Variants in SLC24A2 observed in about 807,000 individuals in gnomAD.
The protein encoded by SLC24A2 is solute carrier family 24 member 2, also known as sodium/potassium/calcium exchanger 2.
Under a neutral mutation model 62.0 loss-of-function variants are expected in SLC24A2, and 36 were observed. The observed-to-expected ratio is 0.58, with a 90% CI of 0.44 to 0.77. SLC24A2 has a LOEUF of 0.77. Among genes scored for constraint, SLC24A2 ranks in the 30% least tolerant of loss-of-function variants. The pLI is 0.00. For missense variants in SLC24A2, 846 were observed against 817.9 expected (o/e 1.03, Z -0.42); for synonymous variants, 358 against 294.0 (o/e 1.22, Z -2.23).
chr9:19,543,856 G>T (rs578120435), intron 8 of SLC24A2, among the ~76,000 whole-genome samples: 9 of 152,114 alleles, frequency 5.9e-5, no homozygotes, highest in Non-Finnish European at 1.0e-4. Context: ...CCAATTATGT[G>T]GTCCATTTTA....
At chr9:19,824,508 A>G in the SLC24A2 span, among the ~76,000 whole-genome samples, 1 of 152,232 alleles carries the variant, frequency 6.6e-6, no homozygotes, top group Non-Finnish European at 1.5e-5. Flanking sequence ...ATCATTAAAA[A>G]GTCAGGAAAC....
intron 7 of SLC24A2, among the ~76,000 whole-genome samples, chr9:19,565,266 G>A (rs1437426277): frequency 6.6e-6 from 1 of 151,164 alleles, no homozygotes; most frequent in Non-Finnish European, 1.5e-5. Flanking sequence ...CTTCAGCAAA[G>A]TCTCAGGATA....
chr9:20,205,870 G>C, the SLC24A2 span, among the ~76,000 whole-genome samples: 1 of 152,086 alleles, frequency 6.6e-6, no homozygotes, highest in African/African-American at 2.4e-5. Flanking sequence ...GCTTCTCAGT[G>C]CTTAAAGCCT....
At chr9:19,812,562 G>A in the SLC24A2 span, among the ~76,000 whole-genome samples, 219 of 151,572 alleles carry the variant, frequency 1.4e-3, no homozygotes, top group Non-Finnish European at 2.6e-3. Context: ...TTATCTTTTT[G>A]TCTGTTTTCT....
the SLC24A2 span, among the ~76,000 whole-genome samples, chr9:20,125,914 T>G: frequency 6.6e-6 from 1 of 152,162 alleles, no homozygotes; most frequent in Non-Finnish European, 1.5e-5. Context: ...CATACAGAAT[T>G]GCTCTCCACA....
the SLC24A2 span, among the ~76,000 whole-genome samples, chr9:19,944,404 G>A: frequency 2.1e-5 from 3 of 143,574 alleles, no homozygotes; most frequent in African/African-American, 7.9e-5. Context: ...TAACAAACCT[G>A]CACATATACC....
rs989342549 is a variant in SLC24A2, at chr9:19,509,804, G to A, written c.*6349C>T. ...AGAACTGTTAGTCTCCAAGGCCTTA[G>A]TTACTTATGGATCCATTATGAAGGA... On this transcript the variant is annotated 3_prime_UTR_variant, in exon 11 of 11. Transcript: ENST00000341998. 3 of 152,186 alleles carry A rather than the reference G, an allele frequency of 2.0e-5. No individual in the cohort carries two copies. The highest frequency in any genetic ancestry group is 2.1e-4 in the South Asian group (1 of 4,822). 9.4% of individuals were successfully genotyped at this position (152,186 alleles called of 1,614,324 possible).
the SLC24A2 span, among the ~76,000 whole-genome samples, chr9:19,842,394 G>T: frequency 3.9e-5 from 6 of 152,192 alleles, no homozygotes; most frequent in African/African-American, 1.4e-4. Flanking sequence ...CAGTTATGAT[G>T]TAGTTAGGAG....
chr9:19,520,543 C>T (rs1354774628), intron 10 of SLC24A2, among the ~76,000 whole-genome samples: 1 of 152,134 alleles, frequency 6.6e-6, no homozygotes, highest in Non-Finnish European at 1.5e-5. Flanking sequence ...CTGGTGGGGA[C>T]TTTAATTAAA....
At chr9:19,531,941 T>C (rs1475440253) in intron 8 of SLC24A2, among the ~76,000 whole-genome samples, 1 of 152,192 alleles carries the variant, frequency 6.6e-6, no homozygotes, top group Non-Finnish European at 1.5e-5. Flanking sequence ...TTATATTTGT[T>C]ATTAGACAAT....
chr9:19,905,687 G>T, the SLC24A2 span, among the ~76,000 whole-genome samples: 1 of 151,946 alleles, frequency 6.6e-6, no homozygotes, highest in Non-Finnish European at 1.5e-5. Flanking sequence ...GAGCAACCGA[G>T]CCCAGCCCCC....
At chr9:19,990,315 G>A in the SLC24A2 span, among the ~76,000 whole-genome samples, 1 of 152,026 alleles carries the variant, frequency 6.6e-6, no homozygotes, top group Non-Finnish European at 1.5e-5. Context: ...CCTACGGTCA[G>A]AAGATATCAA....
At chr9:19,925,659 G>A in the SLC24A2 span, among the ~76,000 whole-genome samples, 1 of 152,168 alleles carries the variant, frequency 6.6e-6, no homozygotes, top group East Asian at 1.9e-4. Flanking sequence ...TTTTTCACAG[G>A]AAAGCTAATT....
At chr9:20,221,075 T>C in the SLC24A2 span, among the ~76,000 whole-genome samples, 1 of 152,096 alleles carries the variant, frequency 6.6e-6, no homozygotes, top group Non-Finnish European at 1.5e-5. Flanking sequence ...CCAGAGCTTA[T>C]AGAGTGGTGA....
intron 2 of SLC24A2, among the ~76,000 whole-genome samples, chr9:19,696,869 T>C (rs990474862): frequency 8.5e-5 from 13 of 152,318 alleles, no homozygotes; most frequent in African/African-American, 2.9e-4. Flanking sequence ...TTAACCGTAA[T>C]GGCATCATTT....
chr9:20,141,126 G>A, the SLC24A2 span, among the ~76,000 whole-genome samples: 3 of 152,048 alleles, frequency 2.0e-5, no homozygotes, highest in Non-Finnish European at 2.9e-5. Flanking sequence ...TGTAAGCTTG[G>A]GCAAGTTTCC....
intron 2 of SLC24A2, among the ~76,000 whole-genome samples, chr9:19,629,321 T>C (rs2117970927): frequency 6.6e-6 from 1 of 152,294 alleles, no homozygotes; most frequent in South Asian, 2.1e-4. Flanking sequence ...AGTTCACATA[T>C]ATTAAGAACT....
In SLC24A2 at chr9:19,549,066, T is replaced by C. The variant is rs542005713; in HGVS notation, c.1479+1071A>G. On this transcript the variant is annotated intron_variant, in intron 8 of 10. Coordinates refer to ENST00000341998, the MANE Select transcript of SLC24A2 (RefSeq NM_020344.4). The stretch of plus-strand genomic sequence containing the variant: ...CAGTGGGTGGGTGTATTCTCTTGAT[T>C]TGGTCTATACTCAGGTTGTAATTTG... Among the ~76,000 whole-genome samples, 28 of 152,320 alleles carry C rather than the reference T, an allele frequency of 1.8e-4. 1 individual carries two copies. In the South Asian group the frequency reaches 3.5e-3, roughly 19 times the overall value.
chr9:20,088,992 T>C, the SLC24A2 span, among the ~76,000 whole-genome samples: 1 of 152,196 alleles, frequency 6.6e-6, no homozygotes, highest in East Asian at 1.9e-4. Context: ...GACTATTATG[T>C]GGGTCCCTGA....
Sources: gnomAD v4.1 joint callset for allele counts (sites outside exome capture counted in the v4.1 genomes callset) on GRCh38, gnomAD v4.1.1 for gene constraint, MANE v1.5 for transcripts, NCBI Gene and HGNC (gene_info 2026-07-23, HGNC 2026-07-21) for gene names.